The following UQCC1 variants were observed in gnomAD, a reference collection of about 807,000 sequenced individuals.
The protein encoded by UQCC1 is bFGF-repressed Zic-binding protein.
UQCC1 carries 38 observed loss-of-function variants against 48.0 expected under a neutral mutation model. That is an observed-to-expected ratio of 0.79 (90% CI 0.61 to 1.04). The LOEUF is 1.04. Among genes scored for constraint, UQCC1 ranks in the 50% least tolerant of loss-of-function variants. The pLI is 0.00. For synonymous variants in UQCC1, 111 were observed against 129.2 expected, an observed-to-expected ratio of 0.86 and a Z score of 0.95; for missense variants, 368 against 381.8, an observed-to-expected ratio of 0.96 and a Z score of 0.30.
chr20:35,409,988 T>C (rs1195802355), intron 1 of UQCC1: 1 of 151,614 alleles, frequency 6.6e-6, no homozygotes, highest in Non-Finnish European at 1.5e-5. Context: ...GTATTTTTAG[T>C]AGAGACAGGG....
rs57335287 is a variant in UQCC1 at position 35,371,699 on chromosome 20, GAAAAAAAA to G, written c.406+2477_406+2484del. On this transcript the variant is annotated intron_variant, in intron 5 of 9. Coordinates refer to ENST00000374385, the MANE Select transcript of UQCC1 (RefSeq NM_018244.5). The stretch of plus-strand genomic sequence containing the variant: ...ACATGGATTCAAGAAGGCACTTAAA[GAAAAAAAA>G]AAAAAAAAAAAAAACAGGCTGGGCA... Among the ~76,000 whole-genome samples the G allele has an allele frequency of 3.3e-5, 3 of 92,204 alleles. No individual in the cohort carries two copies. The East Asian group carries it at 9.6e-4, about 30-fold the overall frequency. 60.5% of individuals were successfully genotyped at this position (92,204 alleles called of 152,430 possible).
intron 7 of UQCC1, among the ~76,000 whole-genome samples, chr20:35,341,780 G>C (rs1258115739): frequency 2.0e-5 from 3 of 152,188 alleles, no homozygotes; most frequent in African/African-American, 7.2e-5. Flanking sequence ...TGTATGCATG[G>C]AGTGAGCAAA....
chr20:35,312,506 C>T (rs2061005589), intron 8 of UQCC1, among the ~76,000 whole-genome samples: 1 of 152,114 alleles, frequency 6.6e-6, no homozygotes, highest in Admixed American at 6.5e-5. Context: ...AAATCCCCAC[C>T]CAGCCAAGGT....
chr20:35,367,460 CA>C (rs2146443557), intron 5 of UQCC1, among the ~76,000 whole-genome samples: 1 of 152,062 alleles, frequency 6.6e-6, no homozygotes, highest in African/African-American at 2.4e-5. Context: ...ATGATTTGCC[CA>C]AAAGAAATGA....
intron 1 of UQCC1, among the ~76,000 whole-genome samples, chr20:35,402,632 A>AAT (rs1601032046): frequency 1.3e-5 from 2 of 149,804 alleles, no homozygotes; most frequent in African/African-American, 4.9e-5. Context: ...ATATATATAT[A>AAT]ATATATATAA....
At chr20:35,321,446 C>T (rs186235901) in intron 7 of UQCC1, among the ~76,000 whole-genome samples, 103 of 152,188 alleles carry the variant, frequency 6.8e-4, no homozygotes, top group East Asian at 5.2e-3. Context: ...GTTCCCGTTG[C>T]GATGAAAGGC....
chr20:35,344,103 C>T (rs1467034845), intron 7 of UQCC1: 1 of 152,152 alleles, frequency 6.6e-6, no homozygotes, highest in East Asian at 1.9e-4. Context: ...AAAAGAATTC[C>T]AAAGGCTGGT....
chr20:35,347,713 C>G (rs1300654004), intron 6 of UQCC1, among the ~76,000 whole-genome samples: 1 of 152,184 alleles, frequency 6.6e-6, no homozygotes, highest in Admixed American at 6.5e-5. Flanking sequence ...CTGTCCAATA[C>G]AGTGGCTCCC....
intron 3 of UQCC1, among the ~76,000 whole-genome samples, chr20:35,383,092 C>A (rs1600989623): frequency 6.6e-6 from 1 of 152,112 alleles, no homozygotes; most frequent in African/African-American, 2.4e-5. Flanking sequence ...AAAAATACTG[C>A]CTGAAAGCAG....
In UQCC1 at chr20:35,381,965, T is replaced by G; in HGVS notation, c.286A>C (p.Ile96Leu). 1.9e-6 allele frequency: 3 copies of G among 1,613,408 alleles called. No individual in the cohort carries two copies. The highest frequency in any genetic ancestry group is 2.5e-6 in the Non-Finnish European group (3 of 1,179,604). Residue 96 changes from isoleucine (I) to leucine (L), a missense_variant, in exon 4 of 10, where the codon ATA becomes CTA. Transcript: ENST00000374385. ...VEEKVGAFTK[I>L]IEAMGFTGPL... Reference sequence around the variant, plus strand: ...CCCGTGAATCCCATGGCTTCTATTATCTTTGTGAAAGCACCAACCTTCTCC... The same window carrying G: ...CCCGTGAATCCCATGGCTTCTATTAGCTTTGTGAAAGCACCAACCTTCTCC...
chr20:35,333,639 C>T (rs1179205427), intron 7 of UQCC1, among the ~76,000 whole-genome samples: 1 of 151,030 alleles, frequency 6.6e-6, no homozygotes. Flanking sequence ...CCAACAGGAA[C>T]AGGGCAAACG....
intron 7 of UQCC1, among the ~76,000 whole-genome samples, chr20:35,324,002 C>T (rs1483760611): frequency 1.3e-5 from 2 of 152,206 alleles, no homozygotes; most frequent in Non-Finnish European, 2.9e-5. Flanking sequence ...TGCCTGTAAT[C>T]CTAGCACTTT....
intron 7 of UQCC1, among the ~76,000 whole-genome samples, chr20:35,324,580 C>T (rs1269096128): frequency 6.6e-6 from 1 of 152,242 alleles, no homozygotes; most frequent in East Asian, 1.9e-4. Context: ...CCCGCCTTGG[C>T]CTCCCAAAGT....
At chr20:35,407,336 G>A (rs757989028) in intron 1 of UQCC1, among the ~76,000 whole-genome samples, 1 of 151,944 alleles carries the variant, frequency 6.6e-6, no homozygotes, top group African/African-American at 2.4e-5. Flanking sequence ...GGTGAGGCAG[G>A]AGAATTGCTT....
rs569442276 is a variant in UQCC1 at position 35,404,457 on chromosome 20, G to A, written c.24+7483C>T. On this transcript the variant is annotated intron_variant, in intron 1 of 9. Coordinates refer to ENST00000374385, the MANE Select transcript of UQCC1 (RefSeq NM_018244.5). ...CGGGAGGCTGAGGCAGGAGAATGGC[G>A]TGAACCCGGGAGGTGGAGCTTGCAG... Among the ~76,000 whole-genome samples the A allele has an allele frequency of 5.3e-3, 805 of 151,712 alleles. 5 individuals carry two copies. The highest frequency in any genetic ancestry group is 0.017 in the Middle Eastern group (5 of 294).
At chr20:35,344,711 T>C (rs1429673388) in intron 7 of UQCC1, 2 of 152,306 alleles carry the variant, frequency 1.3e-5, no homozygotes, top group Non-Finnish European at 2.9e-5. Flanking sequence ...TTGTGAAATA[T>C]ATAGTTGGTC....
Position 35,303,815 on chromosome 20 carries a change from T to C in UQCC1, c.*120A>G. ...CTCAACACAAATGGGGCCAGGTATT[T>C]GACAGATGCTGTTCAGAGGTCAGTT... is the stretch of plus-strand genomic sequence containing the variant. On this transcript the variant is annotated 3_prime_UTR_variant, in exon 10 of 10. Transcript: ENST00000374385. 7.3e-7 allele frequency: 1 copy of C among 1,368,628 alleles called. No homozygotes were observed. The highest frequency in any genetic ancestry group is 1.0e-6 in the Non-Finnish European group (1 of 979,194). The allele number at this position is 1,368,628 out of a possible 1,614,324, so 84.8% of individuals were successfully genotyped here. A position where few individuals can be genotyped will look rare whatever the true frequency, so the allele number is the denominator to read the frequency against.
chr20:35,360,906 G>T (rs1034961733), intron 6 of UQCC1, among the ~76,000 whole-genome samples: 3 of 152,090 alleles, frequency 2.0e-5, no homozygotes, highest in African/African-American at 7.2e-5. Context: ...CAATCAGAAA[G>T]GAAGCAAAGT....
chr20:35,392,638 G>A (rs368570238), intron 2 of UQCC1, among the ~76,000 whole-genome samples: 3 of 152,080 alleles, frequency 2.0e-5, no homozygotes, highest in Non-Finnish European at 2.9e-5. Context: ...CAAAGTAGAC[G>A]CCTCTTCTGC....
Sources: gnomAD v4.1 joint callset for allele counts (sites outside exome capture counted in the v4.1 genomes callset) on GRCh38, gnomAD v4.1.1 for gene constraint, MANE v1.5 for transcripts, NCBI Gene and HGNC (gene_info 2026-07-23, HGNC 2026-07-21) for gene names.